The following SLC2A13 variants were observed in gnomAD, a reference collection of about 807,000 sequenced individuals.
SLC2A13 encodes the protein proton myo-inositol cotransporter.
Under a neutral mutation model 64.4 loss-of-function variants are expected in SLC2A13, and 32 were observed. The ratio of observed to expected loss-of-function variants is 0.50; its 90% CI spans 0.37 to 0.67. SLC2A13 has a LOEUF of 0.67. SLC2A13 is among the 30% of genes least tolerant of loss of function. SLC2A13 has a pLI of 0.00. For synonymous variants in SLC2A13, 338 were observed against 327.1 expected (o/e 1.03, Z -0.36); for missense variants, 743 against 829.2 (o/e 0.90, Z 1.28).
chr12:40,014,850 A>G (rs184182380), intron 3 of SLC2A13, among the ~76,000 whole-genome samples: 3 of 152,346 alleles, frequency 2.0e-5, no homozygotes, highest in Admixed American at 6.5e-5. Flanking sequence ...TCGTAATGCT[A>G]TATTAGATCC....
At chr12:39,925,385 T>C (rs966645373) in intron 4 of SLC2A13, among the ~76,000 whole-genome samples, 31 of 152,134 alleles carry the variant, frequency 2.0e-4, no homozygotes, top group African/African-American at 7.0e-4. Flanking sequence ...AGTAGTAAGA[T>C]GAACTAAATG....
chr12:39,951,074 TTATC>T lies in SLC2A13; in HGVS notation c.1034+179_1034+182del, dbSNP rs746936093. On this transcript the variant is annotated intron_variant, in intron 4 of 9. Coordinates refer to ENST00000280871, the MANE Select transcript of SLC2A13 (RefSeq NM_052885.4). ...ATATAACAAACAAAATAAATCACCT[TTATC>T]TAGTAACAAATTACTGGAATTAAAA... The T allele has an allele frequency of 1.4e-3, 695 of 497,692 alleles. 2 individuals carry two copies. Among genetic ancestry groups the T allele is most frequent in the Middle Eastern group, 4.3e-3 (8 of 1,868 alleles). 30.8% of individuals were successfully genotyped at this position (497,692 alleles called of 1,614,324 possible).
At chr12:39,784,704 C>G (rs569386360) in intron 7 of SLC2A13, among the ~76,000 whole-genome samples, 1 of 152,202 alleles carries the variant, frequency 6.6e-6, no homozygotes, top group Admixed American at 6.5e-5. Context: ...GCAATGGCAA[C>G]AAAAGCCAAA....
At chr12:39,975,476 A>C (rs1285256532) in intron 3 of SLC2A13, among the ~76,000 whole-genome samples, 1 of 152,222 alleles carries the variant, frequency 6.6e-6, no homozygotes, top group African/African-American at 2.4e-5. Flanking sequence ...ACAATGCCTA[A>C]ATTTTTGCCA....
At chr12:39,924,921 C>T (rs1342633886) in intron 4 of SLC2A13, among the ~76,000 whole-genome samples, 4 of 151,496 alleles carry the variant, frequency 2.6e-5, no homozygotes, top group East Asian at 3.9e-4. Context: ...AAAGACTATC[C>T]GTTTAAAATT....
chr12:39,861,880 TA>T (rs1943769870), intron 6 of SLC2A13, among the ~76,000 whole-genome samples: 1 of 152,200 alleles, frequency 6.6e-6, no homozygotes, highest in African/African-American at 2.4e-5. Context: ...TTTTTAAATT[TA>T]ATTTTAAGTT....
intron 3 of SLC2A13, among the ~76,000 whole-genome samples, chr12:39,960,668 C>T (rs10877847): frequency 0.48 from 71,555 of 150,330 alleles, 18,447 homozygotes; most frequent in Non-Finnish European, 0.57. Context: ...CGTGAGCCAC[C>T]GCGCCCGGCC....
rs1482607221 is a variant in SLC2A13, at chr12:39,757,969, G to T, written c.*2057C>A. ...CTACTTTTTCTCCTTATTATATTTT[G>T]ATTGTACCATATAGTAGCTTATTTT... On this transcript the variant is annotated 3_prime_UTR_variant, in exon 10 of 10. Coordinates refer to ENST00000280871, the MANE Select transcript of SLC2A13 (RefSeq NM_052885.4). The T allele has an allele frequency of 6.6e-6, 1 of 151,930 alleles. No homozygotes were observed. Among genetic ancestry groups the T allele is most frequent in the Non-Finnish European group, 1.5e-5 (1 of 67,634 alleles). The allele number at this position is 151,930 out of a possible 1,614,324, so 9.4% of individuals were successfully genotyped here. A position where few individuals can be genotyped will look rare whatever the true frequency, so the allele number is the denominator to read the frequency against.
intron 7 of SLC2A13, among the ~76,000 whole-genome samples, chr12:39,767,300 A>AT (rs1394002641): frequency 3.0e-4 from 7 of 23,378 alleles, no homozygotes; most frequent in African/African-American, 4.3e-4. Context: ...TTTGAAAGGA[A>AT]TCTTTTTTTT....
At chr12:39,949,199 G>A (rs763667104) in intron 4 of SLC2A13, among the ~76,000 whole-genome samples, 2 of 152,210 alleles carry the variant, frequency 1.3e-5, no homozygotes, top group Non-Finnish European at 2.9e-5. Flanking sequence ...CTCAGCATAG[G>A]TATTGTATTA....
chr12:39,770,430 A>G (rs996114302), intron 7 of SLC2A13, among the ~76,000 whole-genome samples: 1 of 152,146 alleles, frequency 6.6e-6, no homozygotes, highest in Admixed American at 6.5e-5. Flanking sequence ...TAATAGCCAT[A>G]TTCATTCAAA....
intron 4 of SLC2A13, among the ~76,000 whole-genome samples, chr12:39,930,330 A>G (rs1227722073): frequency 6.6e-6 from 1 of 152,096 alleles, no homozygotes; most frequent in Non-Finnish European, 1.5e-5. Context: ...GAGTAAATTT[A>G]ATCACAGTGC....
intron 1 of SLC2A13, among the ~76,000 whole-genome samples, chr12:40,099,637 C>T (rs1180738055): frequency 6.6e-6 from 1 of 152,182 alleles, no homozygotes; most frequent in Non-Finnish European, 1.5e-5. Flanking sequence ...CGTTATCTTA[C>T]TGACAACTCA....
intron 1 of SLC2A13, among the ~76,000 whole-genome samples, chr12:40,100,781 T>C (rs1041548563): frequency 1.3e-5 from 2 of 151,898 alleles, no homozygotes; most frequent in African/African-American, 4.8e-5. Flanking sequence ...TTGGCCAACA[T>C]GGTGAAACCC....
chr12:39,878,456 A>G (rs1230925132), intron 4 of SLC2A13, among the ~76,000 whole-genome samples: 8 of 152,192 alleles, frequency 5.3e-5, no homozygotes, highest in African/African-American at 1.9e-4. Flanking sequence ...ACTTATTGGG[A>G]ACTGTAGCAA....
At position 40,105,125 on chromosome 12, in the gene SLC2A13, G is replaced by A; in HGVS notation, c.556+128C>T. The A allele has an allele frequency of 1.6e-6, 2 of 1,232,854 alleles. No homozygotes were observed. The highest frequency in any genetic ancestry group is 2.0e-6 in the Non-Finnish European group (2 of 977,440). 76.4% of individuals were successfully genotyped at this position (1,232,854 alleles called of 1,614,324 possible). A position where few individuals can be genotyped will look rare whatever the true frequency, so the allele number is the denominator to read the frequency against. ...ACAAACAGATGGGCTCTGGAGGCCA[G>A]AGAAGTGGAGGATTCTCTGACCCTG... On this transcript the variant is annotated intron_variant, in intron 1 of 9. Transcript: ENST00000280871. The surrounding 1 kb of genome is among the most constrained non-coding windows in gnomAD (Gnocchi z 4.2).
At chr12:39,933,195 C>A (rs1945860371) in intron 4 of SLC2A13, among the ~76,000 whole-genome samples, 1 of 152,286 alleles carries the variant, frequency 6.6e-6, no homozygotes, top group South Asian at 2.1e-4. Flanking sequence ...CACCACTGCA[C>A]CCCAGCCTGG....
intron 1 of SLC2A13, among the ~76,000 whole-genome samples, chr12:40,057,701 T>A (rs1388057680): frequency 6.6e-6 from 1 of 152,166 alleles, no homozygotes; most frequent in Non-Finnish European, 1.5e-5. Context: ...ACTGGTCTTT[T>A]TCTGTTCTAG....
chr12:40,087,761 T>G (rs1938630710), intron 1 of SLC2A13, among the ~76,000 whole-genome samples: 1 of 152,156 alleles, frequency 6.6e-6, no homozygotes, highest in South Asian at 2.1e-4. Context: ...TAATACTCAT[T>G]AAACCACCAT....
Sources: gnomAD v4.1 joint callset for allele counts (sites outside exome capture counted in the v4.1 genomes callset) on GRCh38, gnomAD v4.1.1 for gene constraint, Gnocchi (gnomAD v3.1) non-coding constraint, MANE v1.5 for transcripts, NCBI Gene and HGNC (gene_info 2026-07-23, HGNC 2026-07-21) for gene names.